FUT9: variants seen among roughly 807,000 people sequenced by gnomAD.
The protein encoded by FUT9 is 4-galactosyl-N-acetylglucosaminide 3-alpha-L-fucosyltransferase 9.
A neutral mutation model predicts 29.7 loss-of-function variants in FUT9; 15 were observed. The ratio of observed to expected loss-of-function variants is 0.51; its 90% CI spans 0.34 to 0.78. FUT9 has a LOEUF of 0.78. Ranked by LOEUF, FUT9 falls within the 30% of genes least tolerant of loss-of-function variation. The pLI is 0.01. For missense variants in FUT9, 319 were observed against 425.4 expected (o/e 0.75, Z 2.20); for synonymous variants, 169 against 153.7 (o/e 1.10, Z -0.74).
At chr6:96,088,573 C>G (rs576485200) in intron 1 of FUT9, among the ~76,000 whole-genome samples, 1 of 149,306 alleles carries the variant, frequency 6.7e-6, no homozygotes, top group Non-Finnish European at 1.5e-5. Context: ...TGTGTGCGTG[C>G]GCGCGCGTGC....
chr6:96,191,227 A>T (rs954351375), intron 2 of FUT9, among the ~76,000 whole-genome samples: 1 of 152,124 alleles, frequency 6.6e-6, no homozygotes, highest in African/African-American at 2.4e-5. Flanking sequence ...TATAACTAAG[A>T]TCAGAGCAGA....
intron 1 of FUT9, among the ~76,000 whole-genome samples, chr6:96,024,354 A>C (rs1333021728): frequency 6.6e-6 from 1 of 151,858 alleles, no homozygotes; most frequent in African/African-American, 2.4e-5. Context: ...AAGGGGACAG[A>C]AGAATCAGAG....
chr6:96,043,233 A>G (rs955895035), intron 1 of FUT9, among the ~76,000 whole-genome samples: 2 of 152,074 alleles, frequency 1.3e-5, no homozygotes, highest in Non-Finnish European at 2.9e-5. Context: ...TTGTATTTTT[A>G]GTAGAGACGG....
chr6:96,130,326 A>C (rs893299015), intron 2 of FUT9, among the ~76,000 whole-genome samples: 1 of 152,166 alleles, frequency 6.6e-6, no homozygotes, highest in African/African-American at 2.4e-5. Context: ...GTCTTCATGT[A>C]TTAAATAAGA....
chr6:96,073,416 T>G (rs2127948230), intron 1 of FUT9, among the ~76,000 whole-genome samples: 1 of 143,048 alleles, frequency 7.0e-6, no homozygotes, highest in East Asian at 2.1e-4. Flanking sequence ...GCCACTGCAC[T>G]CCAGCTTGGG....
intron 1 of FUT9, among the ~76,000 whole-genome samples, chr6:96,057,616 G>A (rs1160135161): frequency 6.6e-6 from 1 of 152,030 alleles, no homozygotes; most frequent in East Asian, 1.9e-4. Context: ...CCCTAAAGCT[G>A]GATTAAAACC....
chr6:96,058,693 A>G (rs1465213129), intron 1 of FUT9, among the ~76,000 whole-genome samples: 1 of 152,220 alleles, frequency 6.6e-6, no homozygotes, highest in Non-Finnish European at 1.5e-5. Context: ...TTGATAATGT[A>G]TGGTAAGCAT....
intron 1 of FUT9, among the ~76,000 whole-genome samples, chr6:96,050,097 C>T (rs1286540080): frequency 6.6e-6 from 1 of 152,084 alleles, no homozygotes; most frequent in Non-Finnish European, 1.5e-5. Context: ...TTTCACATCT[C>T]TCCTCTGCTC....
intron 2 of FUT9, among the ~76,000 whole-genome samples, chr6:96,129,271 A>C (rs1228521087): frequency 5.7e-5 from 1 of 17,462 alleles, no homozygotes. Context: ...TCTCAAAAAA[A>C]AAAAAAAAAA....
chr6:96,167,259 G>A (rs1773030929), intron 2 of FUT9, among the ~76,000 whole-genome samples: 1 of 152,088 alleles, frequency 6.6e-6, no homozygotes, highest in African/African-American at 2.4e-5. Context: ...ATTGAAAATT[G>A]AAAATAATAA....
At chr6:96,154,243 A>AG (rs1772733632) in intron 2 of FUT9, among the ~76,000 whole-genome samples, 3 of 152,250 alleles carry the variant, frequency 2.0e-5, no homozygotes, top group Admixed American at 2.0e-4. Context: ...ACATGAGCAC[A>AG]GAGTAGCAAA....
intron 2 of FUT9, among the ~76,000 whole-genome samples, chr6:96,184,364 T>A (rs1313850886): frequency 1.3e-5 from 2 of 152,228 alleles, no homozygotes; most frequent in East Asian, 3.9e-4. Context: ...GCTAATGGTC[T>A]ATCAATTTTA....
At chr6:96,150,351 C>A (rs1772653439) in intron 2 of FUT9, among the ~76,000 whole-genome samples, 2 of 152,112 alleles carry the variant, frequency 1.3e-5, no homozygotes, top group East Asian at 3.9e-4. Context: ...GTGATGAATC[C>A]AGCATTCCGA....
rs1773801759 is a variant in FUT9, at chr6:96,205,032, C to G, written c.*797C>G. ...GATGACACTCATTGTCATAATAAAA[C>G]AAATAATTTCCTCAAATAACAAAGA... On this transcript the variant is annotated 3_prime_UTR_variant, in exon 3 of 3. Coordinates refer to ENST00000302103, the MANE Select transcript of FUT9 (RefSeq NM_006581.4). The G allele has an allele frequency of 6.0e-6, 1 of 165,596 alleles. No individual in the cohort carries two copies. Among genetic ancestry groups the G allele is most frequent in the Non-Finnish European group, 1.5e-5 (1 of 68,048 alleles). The allele number at this position is 165,596 out of a possible 1,614,324, so 10.3% of individuals were successfully genotyped here. A position where few individuals can be genotyped will look rare whatever the true frequency, so the allele number is the denominator to read the frequency against.
At chr6:96,042,723 G>C (rs1770485109) in intron 1 of FUT9, among the ~76,000 whole-genome samples, 1 of 152,038 alleles carries the variant, frequency 6.6e-6, no homozygotes, top group African/African-American at 2.4e-5. Flanking sequence ...TAGCCCGTTG[G>C]GTTTAAGTGT....
At chr6:96,147,722 A>T (rs1448918113) in intron 2 of FUT9, among the ~76,000 whole-genome samples, 7 of 151,860 alleles carry the variant, frequency 4.6e-5, no homozygotes, top group African/African-American at 1.7e-4. Context: ...TAATTGAATG[A>T]TGAAGACCCT....
chr6:96,056,614 G>C (rs148403885), intron 1 of FUT9, among the ~76,000 whole-genome samples: 2 of 152,160 alleles, frequency 1.3e-5, no homozygotes, highest in East Asian at 3.9e-4. Context: ...GCTGGGTGTG[G>C]TGGCATGTGC....
intron 1 of FUT9, among the ~76,000 whole-genome samples, chr6:96,094,391 C>A (rs1771461167): frequency 1.3e-5 from 2 of 152,012 alleles, no homozygotes; most frequent in South Asian, 4.2e-4. Flanking sequence ...AGGATGCTGG[C>A]TATTTGGATA....
chr6:96,161,706 A>C (rs1044549333), intron 2 of FUT9, among the ~76,000 whole-genome samples: 2 of 152,198 alleles, frequency 1.3e-5, no homozygotes, highest in Non-Finnish European at 2.9e-5. Flanking sequence ...TTTTCTGTTC[A>C]ATAAAAGCTG....
Sources: gnomAD v4.1 joint callset for allele counts (sites outside exome capture counted in the v4.1 genomes callset) on GRCh38, gnomAD v4.1.1 for gene constraint, MANE v1.5 for transcripts, NCBI Gene and HGNC (gene_info 2026-07-23, HGNC 2026-07-21) for gene names.